The following PTPRN2 variants were observed in gnomAD, a reference collection of about 807,000 sequenced individuals.
The protein encoded by PTPRN2 is protein tyrosine phosphatase receptor type N2.
A neutral mutation model predicts 118.8 loss-of-function variants in PTPRN2; 74 were observed. The ratio of observed to expected loss-of-function variants is 0.62; its 90% CI spans 0.52 to 0.76. PTPRN2 has a LOEUF of 0.76. PTPRN2 is among the 30% of genes least tolerant of loss of function. The pLI, the probability that PTPRN2 is intolerant of heterozygous loss-of-function variation, is 0.00. For synonymous variants in PTPRN2, 641 were observed against 608.0 expected (o/e 1.05, Z -0.80); for missense variants, 1,481 against 1,394.4 (o/e 1.06, Z -0.99).
At position 158,300,624 on chromosome 7, in the gene PTPRN2, C is replaced by T. The variant is rs376916858; in HGVS notation, c.277+16195G>A. Among the ~76,000 whole-genome samples, 8 of 152,388 alleles carry T rather than the reference C, an allele frequency of 5.2e-5. 1 individual carries two copies. In the South Asian group the frequency reaches 1.7e-3, roughly 32 times the overall value. ...CGTGTCTGTCTGTGCTCATGTGGCC[C>T]TAAGAGGCCACTCCTCTGCTTACCC... On this transcript the variant is annotated intron_variant, in intron 3 of 22. Coordinates refer to ENST00000389418, the MANE Select transcript of PTPRN2 (RefSeq NM_002847.5).
intron 3 of PTPRN2, among the ~76,000 whole-genome samples, chr7:158,267,941 G>C (rs113263124): frequency 5.1e-4 from 77 of 152,316 alleles, no homozygotes; most frequent in African/African-American, 1.7e-3. Flanking sequence ...GAGAGAAGCT[G>C]ATGCAGTTGA....
chr7:157,723,427 C>T (rs946073275), intron 12 of PTPRN2, among the ~76,000 whole-genome samples: 3 of 152,220 alleles, frequency 2.0e-5, no homozygotes, highest in Non-Finnish European at 2.9e-5. Context: ...CCAGCTTCTA[C>T]TCCAGTCCCA....
Position 158,274,718 on chromosome 7 carries a change from C to G in PTPRN2, c.277+42101G>C, listed in dbSNP as rs571190702. 2.2e-3 allele frequency among the ~76,000 whole-genome samples: 329 copies of G among 152,288 alleles called. 5 individuals are homozygous for G. The highest frequency in any genetic ancestry group is 2.3e-3 in the Non-Finnish European group (157 of 68,008). On this transcript the variant is annotated intron_variant, in intron 3 of 22. Transcript: ENST00000389418. ...ATTTGAGGTGTGGGGCCCAGAGGGG[C>G]TCAGGTACCCTACGGGGGGAGTCAC...
chr7:157,618,450 C>T lies in PTPRN2; in HGVS notation c.2344+2912G>A, dbSNP rs1307135041. ...ACAGAGGACAGCATGGAGCCCAGCT[C>T]GAGTGCCGTCCCCCCACCATGACAG... On this transcript the variant is annotated intron_variant, in intron 15 of 22. Coordinates refer to ENST00000389418, the MANE Select transcript of PTPRN2 (RefSeq NM_002847.5). This position sits in a 1 kb window ranked among gnomAD's most constrained non-coding sequence, Gnocchi z 4.2. 2.6e-5 allele frequency: 4 copies of T among 152,450 alleles called. No homozygotes were observed. Among genetic ancestry groups the T allele is most frequent in the Non-Finnish European group, 2.9e-5 (2 of 68,222 alleles). 9.4% of individuals were successfully genotyped at this position (152,450 alleles called of 1,614,324 possible).
chr7:158,395,255 A>C (rs1453081992), intron 2 of PTPRN2, among the ~76,000 whole-genome samples: 10 of 133,360 alleles, frequency 7.5e-5, no homozygotes, highest in African/African-American at 2.8e-4. Flanking sequence ...CCGTGCGGGC[A>C]CCTGCGCCCA....
chr7:158,117,004 C>A (rs1364987509), intron 9 of PTPRN2, among the ~76,000 whole-genome samples: 1 of 151,728 alleles, frequency 6.6e-6, no homozygotes, highest in African/African-American at 2.4e-5. Context: ...TAGTTTTCAA[C>A]AAAAAATTGC....
chr7:158,542,865 C>T (rs903054286), intron 1 of PTPRN2, among the ~76,000 whole-genome samples: 2 of 143,524 alleles, frequency 1.4e-5, no homozygotes, highest in Non-Finnish European at 2.9e-5. Context: ...ACGGAACAGC[C>T]AGCCCATTAC....
rs570552617 is a variant in PTPRN2 at position 158,520,445 on chromosome 7, C to T, written c.113-30660G>A. 2.0e-5 allele frequency among the ~76,000 whole-genome samples: 3 copies of T among 152,238 alleles called. No individual in the cohort carries two copies. The South Asian group carries it at 6.2e-4, about 32-fold the overall frequency. ...CACTACAATTTAAAACAGTTCATGCCCTTCGGTAGACAGTTTCTAGACGAG... is the reference window on the plus strand; with the variant it reads ...CACTACAATTTAAAACAGTTCATGCTCTTCGGTAGACAGTTTCTAGACGAG... On this transcript the variant is annotated intron_variant, in intron 1 of 22. Coordinates refer to ENST00000389418, the MANE Select transcript of PTPRN2 (RefSeq NM_002847.5).
intron 19 of PTPRN2, among the ~76,000 whole-genome samples, chr7:157,573,631 C>T (rs751604035): frequency 4.6e-5 from 7 of 152,218 alleles, no homozygotes; most frequent in South Asian, 2.1e-4. Flanking sequence ...CAGTAGACAG[C>T]GGTGGCTCAT....
chr7:157,668,972 G>C (rs904649312), intron 13 of PTPRN2, among the ~76,000 whole-genome samples: 3 of 152,228 alleles, frequency 2.0e-5, no homozygotes, highest in Non-Finnish European at 4.4e-5. Flanking sequence ...AACTCAGAGG[G>C]ACTCAGAAGG....
At chr7:158,059,076 T>C (rs1345863525) in intron 11 of PTPRN2, among the ~76,000 whole-genome samples, 1 of 130,978 alleles carries the variant, frequency 7.6e-6, no homozygotes, top group Admixed American at 7.2e-5. Flanking sequence ...GACACATCAC[T>C]GCAGCCACAC....
intron 12 of PTPRN2, among the ~76,000 whole-genome samples, chr7:157,876,833 C>A (rs927807725): frequency 5.3e-5 from 8 of 152,208 alleles, no homozygotes; most frequent in African/African-American, 1.7e-4. Context: ...ACAGTGCCAG[C>A]ACGGGGGCAT....
chr7:158,333,594 A>G (rs1804946408), intron 2 of PTPRN2, among the ~76,000 whole-genome samples: 2 of 151,640 alleles, frequency 1.3e-5, no homozygotes, highest in South Asian at 4.2e-4. Flanking sequence ...CACGTCACAC[A>G]CACCCACACT....
intron 2 of PTPRN2, among the ~76,000 whole-genome samples, chr7:158,358,050 C>T (rs1808531133): frequency 6.6e-6 from 1 of 152,222 alleles, no homozygotes; most frequent in Non-Finnish European, 1.5e-5. Context: ...CTTAAGGTGG[C>T]TCCTTAGAAT....
Position 158,555,704 on chromosome 7 carries a change from G to A in PTPRN2, c.112+31854C>T, listed in dbSNP as rs1366024038. ...GGCAACAGAGTCAGGAATCTGAAGGGTAAAGGGAGCTCTTCCGCCAACAGG... is the reference window on the plus strand; with the variant it reads ...GGCAACAGAGTCAGGAATCTGAAGGATAAAGGGAGCTCTTCCGCCAACAGG... On this transcript the variant is annotated intron_variant, in intron 1 of 22. Transcript: ENST00000389418. This position sits in a 1 kb window ranked among gnomAD's most constrained non-coding sequence, Gnocchi z 4.7. 6.6e-6 allele frequency among the ~76,000 whole-genome samples: 1 copy of A among 152,072 alleles called. No individual in the cohort carries two copies. Among genetic ancestry groups the A allele is most frequent in the Non-Finnish European group, 1.5e-5 (1 of 68,020 alleles).
chr7:158,433,497 T>C (rs922928072), intron 2 of PTPRN2, among the ~76,000 whole-genome samples: 2 of 152,188 alleles, frequency 1.3e-5, no homozygotes, highest in African/African-American at 4.8e-5. Flanking sequence ...CATTTGTCAC[T>C]TTATTCTGAA....
intron 10 of PTPRN2, among the ~76,000 whole-genome samples, chr7:158,104,316 C>G (rs1815486443): frequency 6.6e-6 from 1 of 152,096 alleles, no homozygotes; most frequent in African/African-American, 2.4e-5. Flanking sequence ...ATCTCAGGCT[C>G]AAAGACTCCT....
chr7:157,607,923 T>C (rs773853995), intron 15 of PTPRN2, among the ~76,000 whole-genome samples: 9 of 151,782 alleles, frequency 5.9e-5, no homozygotes, highest in Non-Finnish European at 1.2e-4. Context: ...TGGTGGAAAA[T>C]TGTTTTAGCC....
intron 11 of PTPRN2, among the ~76,000 whole-genome samples, chr7:158,073,412 A>G (rs752477527): frequency 2.6e-5 from 4 of 152,136 alleles, no homozygotes; most frequent in Non-Finnish European, 2.9e-5. Flanking sequence ...TCAGGGCCGC[A>G]CTGGCCTCTC....
Sources: allele counts gnomAD v4.1 joint callset (sites outside exome capture counted in the v4.1 genomes callset), GRCh38; gene constraint gnomAD v4.1.1; non-coding constraint Gnocchi (gnomAD v3.1); transcripts MANE v1.5; gene names NCBI Gene and HGNC (gene_info 2026-07-23, HGNC 2026-07-21).